MARCHF1: variants seen among roughly 807,000 people sequenced by gnomAD.
MARCHF1 encodes the protein E3 ubiquitin-protein ligase MARCHF1.
Under a neutral mutation model 54.2 loss-of-function variants are expected in MARCHF1, and 40 were observed. That is an observed-to-expected ratio of 0.74 (90% CI 0.57 to 0.96). The LOEUF is 0.96. Ranked by LOEUF, MARCHF1 falls within the 40% of genes least tolerant of loss-of-function variation. The pLI is 0.00. For missense variants in MARCHF1, 586 were observed against 656.5 expected (o/e 0.89, Z 1.17); for synonymous variants, 236 against 236.3 (o/e 1.00, Z 0.01).
chr4:164,364,650 A>AT (rs1730829076), intron 1 of MARCHF1, among the ~76,000 whole-genome samples: 2 of 150,862 alleles, frequency 1.3e-5, no homozygotes, highest in Non-Finnish European at 3.0e-5. Flanking sequence ...TCAATCTCAA[A>AT]TTTTTTGTAA....
At chr4:163,670,750 A>G (rs1743708605) in intron 5 of MARCHF1, among the ~76,000 whole-genome samples, 2 of 152,216 alleles carry the variant, frequency 1.3e-5, no homozygotes, top group African/African-American at 2.4e-5. Flanking sequence ...AATGCTGACC[A>G]TCTGTCATAC....
chr4:164,152,879 C>G (rs1015417221), intron 1 of MARCHF1, among the ~76,000 whole-genome samples: 1 of 151,952 alleles, frequency 6.6e-6, no homozygotes, highest in African/African-American at 2.4e-5. Flanking sequence ...GCCTGGAAGT[C>G]CACCCCCCAC....
chr4:163,870,901 C>A (rs766702996), intron 3 of MARCHF1, among the ~76,000 whole-genome samples: 10 of 152,006 alleles, frequency 6.6e-5, no homozygotes, highest in Admixed American at 2.0e-4. Flanking sequence ...ATTAAGGAAT[C>A]AGTTTTTGTG....
At chr4:163,618,322 A>G (rs1741578614) in intron 5 of MARCHF1, among the ~76,000 whole-genome samples, 1 of 152,080 alleles carries the variant, frequency 6.6e-6, no homozygotes, top group African/African-American at 2.4e-5. Flanking sequence ...TTGGCTGCAC[A>G]CAGGCACAAC....
At chr4:163,891,794 TTTTC>T (rs1750666886) in intron 3 of MARCHF1, among the ~76,000 whole-genome samples, 1 of 152,170 alleles carries the variant, frequency 6.6e-6, no homozygotes, top group African/African-American at 2.4e-5. Context: ...TGACCTGGAC[TTTTC>T]TTTCTTTCTT....
At chr4:163,811,626 GA>G (rs1748390977) in intron 4 of MARCHF1, among the ~76,000 whole-genome samples, 1 of 152,136 alleles carries the variant, frequency 6.6e-6, no homozygotes. Context: ...ATGTTGGCAG[GA>G]AGATGGAATT....
intron 4 of MARCHF1, among the ~76,000 whole-genome samples, chr4:163,832,804 T>C (rs1046638844): frequency 9.5e-5 from 13 of 136,346 alleles, no homozygotes; most frequent in African/African-American, 2.9e-4. Flanking sequence ...GTGTTCTCAT[T>C]GTTCAATTCC....
At chr4:164,310,658 T>G (rs1734826346) in intron 1 of MARCHF1, among the ~76,000 whole-genome samples, 2 of 151,904 alleles carry the variant, frequency 1.3e-5, no homozygotes, top group African/African-American at 4.8e-5. Flanking sequence ...TCACAGTGTT[T>G]CATCCTTTGC....
At chr4:163,810,764 G>A (rs1375490994) in intron 4 of MARCHF1, among the ~76,000 whole-genome samples, 1 of 151,800 alleles carries the variant, frequency 6.6e-6, no homozygotes, top group Admixed American at 6.6e-5. Context: ...CTTTCTGCTA[G>A]TTTAGTAGAA....
At chr4:164,099,404 G>A (rs975249183) in intron 2 of MARCHF1, among the ~76,000 whole-genome samples, 2 of 152,042 alleles carry the variant, frequency 1.3e-5, no homozygotes, top group African/African-American at 4.8e-5. Flanking sequence ...TTCTATAATT[G>A]TACAAATTTC....
At chr4:164,351,459 C>A (rs1453534956) in intron 1 of MARCHF1, among the ~76,000 whole-genome samples, 1 of 151,186 alleles carries the variant, frequency 6.6e-6, no homozygotes, top group Admixed American at 6.6e-5. Flanking sequence ...TGACCCCTGA[C>A]CCCCGAGCAG....
intron 5 of MARCHF1, among the ~76,000 whole-genome samples, chr4:163,698,100 A>G (rs13113761): frequency 0.42 from 63,651 of 152,008 alleles, 13,939 homozygotes; most frequent in Non-Finnish European, 0.48. Flanking sequence ...CAAACTTACT[A>G]GGGATGTTAA....
intron 4 of MARCHF1, among the ~76,000 whole-genome samples, chr4:163,843,175 G>A (rs950245683): frequency 1.1e-4 from 16 of 152,080 alleles, no homozygotes; most frequent in African/African-American, 3.9e-4. Flanking sequence ...TTGCATCCAT[G>A]TTGCTGCAAA....
At chr4:163,764,557 G>A (rs1320527354) in intron 4 of MARCHF1, among the ~76,000 whole-genome samples, 4 of 152,148 alleles carry the variant, frequency 2.6e-5, no homozygotes, top group African/African-American at 9.6e-5. Flanking sequence ...ATTTGTCTTT[G>A]TGATGAAAAT....
rs70948676 is a variant in MARCHF1, at chr4:163,912,065, G to GTT, written c.-38-57898_-38-57897dup. Among the ~76,000 whole-genome samples, 501 of 149,306 alleles carry GTT rather than the reference G, an allele frequency of 3.4e-3. 5 individuals are homozygous for GTT. Among genetic ancestry groups the GTT allele is most frequent in the African/African-American group, 0.011 (464 of 40,518 alleles). On this transcript the variant is annotated intron_variant, in intron 3 of 9. Transcript: ENST00000514618. ...GTTATTAAGTCATCAGGAATGCAGG[G>GTT]TTTTTTTTTTTTTTTCCATGTTTTA...
At chr4:164,287,095 TATA>T (rs1734170014) in intron 1 of MARCHF1, among the ~76,000 whole-genome samples, 1 of 148,248 alleles carries the variant, frequency 6.7e-6, no homozygotes, top group South Asian at 2.1e-4. Flanking sequence ...TTAAAAATAA[TATA>T]ATTTATATTA....
intron 3 of MARCHF1, among the ~76,000 whole-genome samples, chr4:163,950,237 C>T (rs568069729): frequency 5.9e-5 from 9 of 152,290 alleles, no homozygotes; most frequent in Admixed American, 1.3e-4. Flanking sequence ...TGCAGGCTTG[C>T]TTTGAGCCAC....
chr4:163,999,974 C>T (rs140460857), intron 2 of MARCHF1, among the ~76,000 whole-genome samples: 2 of 151,726 alleles, frequency 1.3e-5, no homozygotes, highest in African/African-American at 4.8e-5. Flanking sequence ...GTACAGAATG[C>T]AGATCAAATA....
At chr4:164,153,439 TA>T (rs1278461074) in intron 1 of MARCHF1, among the ~76,000 whole-genome samples, 2 of 152,152 alleles carry the variant, frequency 1.3e-5, no homozygotes, top group African/African-American at 2.4e-5. Flanking sequence ...CACAAGTTGT[TA>T]AATTAAGTTT....
Sources: allele counts gnomAD v4.1 joint callset (sites outside exome capture counted in the v4.1 genomes callset), GRCh38; gene constraint gnomAD v4.1.1; transcripts MANE v1.5; gene names NCBI Gene and HGNC (gene_info 2026-07-23, HGNC 2026-07-21).